The following DMD variants were observed in gnomAD, a reference collection of about 807,000 sequenced individuals.
DMD encodes dystrophin, also known as mutant dystrophin.
In DMD, 63 loss-of-function variants were observed where a neutral mutation model predicts 330.1. The observed-to-expected ratio is 0.19, with a 90% confidence interval of 0.16 to 0.24. DMD has a LOEUF of 0.24. Ranked by LOEUF, DMD falls within the 10% of genes least tolerant of loss-of-function variation. DMD has a pLI of 1.00. For synonymous variants in DMD, 1,223 were observed against 959.8 expected (o/e 1.27, Z -5.07); for missense variants, 3,344 against 2,684.1 (o/e 1.25, Z -5.43).
chrX:32,618,656 T>G (rs1290855347), intron 11 of DMD, among the ~76,000 whole-genome samples: 1 of 111,131 alleles, frequency 9.0e-6, no homozygotes, highest in Non-Finnish European at 1.9e-5. Context: ...CCCTTGCACC[T>G]AAAAGTTAAA....
chrX:32,581,448 C>T (rs892243441), intron 13 of DMD, among the ~76,000 whole-genome samples: 1 of 111,279 alleles, frequency 9.0e-6, no homozygotes, highest in African/African-American at 3.3e-5. Context: ...ACATTTTTTT[C>T]AATTTCAAAC....
intron 68 of DMD, among the ~76,000 whole-genome samples, chrX:31,181,125 T>A (rs2041113660): frequency 8.9e-6 from 1 of 112,107 alleles, no homozygotes; most frequent in Non-Finnish European, 1.9e-5. Context: ...TTGGATTAGA[T>A]GGAAGAATTT....
chrX:31,625,150 G>A (rs1415265963), intron 55 of DMD, among the ~76,000 whole-genome samples: 1 of 112,194 alleles, frequency 8.9e-6, no homozygotes, highest in Non-Finnish European at 1.9e-5. Context: ...TCCATAAAAT[G>A]TAGTTTAAAC....
At chrX:31,480,576 GT>G in intron 57 of DMD, among the ~76,000 whole-genome samples, 1 of 108,469 alleles carries the variant, frequency 9.2e-6, no homozygotes, top group Non-Finnish European at 1.9e-5. Flanking sequence ...GTGTGTGTGT[GT>G]GTGTGTGTGT....
intron 55 of DMD, among the ~76,000 whole-genome samples, chrX:31,590,358 A>G (rs4829106): frequency 0.27 from 29,541 of 110,397 alleles, 3,099 homozygotes; most frequent in East Asian, 0.34. Flanking sequence ...TGATTCTTCC[A>G]ATGCAAAAAG....
At chrX:32,643,600 CTCT>C (rs1298466339) in intron 11 of DMD, among the ~76,000 whole-genome samples, 22 of 111,284 alleles carry the variant, frequency 2.0e-4, no homozygotes, top group African/African-American at 6.2e-4. Flanking sequence ...GTCTCAAATC[CTCT>C]TTTTTATTAA....
At chrX:31,597,097 A>C (rs765246137) in intron 55 of DMD, among the ~76,000 whole-genome samples, 1 of 112,723 alleles carries the variant, frequency 8.9e-6, no homozygotes, top group Admixed American at 9.4e-5. Flanking sequence ...TAGGTCATTC[A>C]TTCAACAAAT....
intron 1 of DMD, among the ~76,000 whole-genome samples, chrX:33,179,838 CTT>C (rs761219197): frequency 3.6e-4 from 36 of 100,028 alleles, no homozygotes; most frequent in African/African-American, 1.3e-3. Context: ...TTAAAAAGTG[CTT>C]TTTTTTTTTT....
intron 7 of DMD, among the ~76,000 whole-genome samples, chrX:32,745,402 C>A (rs1465292027): frequency 8.9e-6 from 1 of 112,187 alleles, no homozygotes; most frequent in African/African-American, 3.2e-5. Context: ...CCTTAGCTTC[C>A]ATCTTTCTCT....
chrX:32,013,898 A>C (rs2095737854), intron 44 of DMD, among the ~76,000 whole-genome samples: 1 of 112,466 alleles, frequency 8.9e-6, no homozygotes, highest in Non-Finnish European at 1.9e-5. Context: ...TTTCTCAATG[A>C]GTATTTGTTC....
chrX:31,762,779 T>G (rs1442022322), intron 51 of DMD, among the ~76,000 whole-genome samples: 2 of 107,112 alleles, frequency 1.9e-5, no homozygotes, highest in Non-Finnish European at 3.8e-5. Flanking sequence ...CTAAACACAA[T>G]CTTAACAGAG....
intron 16 of DMD, among the ~76,000 whole-genome samples, chrX:32,555,894 C>A (rs1459385315): frequency 8.9e-6 from 1 of 111,793 alleles, no homozygotes; most frequent in East Asian, 2.8e-4. Context: ...TAATAAGATT[C>A]AGGACATAGG....
chrX:31,282,744 T>G (rs896544465), intron 62 of DMD, among the ~76,000 whole-genome samples: 4 of 110,963 alleles, frequency 3.6e-5, no homozygotes, highest in Non-Finnish European at 7.6e-5. Context: ...AGAGGAGAGA[T>G]AGGGAAAAAC....
At chrX:32,256,287 A>G (rs1019148757) in intron 43 of DMD, among the ~76,000 whole-genome samples, 7 of 106,963 alleles carry the variant, frequency 6.5e-5, no homozygotes, top group Non-Finnish European at 1.2e-4. Flanking sequence ...AGTCTGTTTT[A>G]TCAGAGACTA....
intron 50 of DMD, among the ~76,000 whole-genome samples, chrX:31,803,272 C>T (rs763178416): frequency 8.9e-6 from 1 of 112,158 alleles, no homozygotes; most frequent in South Asian, 3.7e-4. Flanking sequence ...CAAGTCTGAA[C>T]TCACACAGGG....
At chrX:32,382,900 T>C (rs1322567189) in intron 33 of DMD, among the ~76,000 whole-genome samples, 1 of 110,673 alleles carries the variant, frequency 9.0e-6, no homozygotes, top group Non-Finnish European at 1.9e-5. Flanking sequence ...GAAAATTGAG[T>C]TTTATACTTT....
intron 54 of DMD, among the ~76,000 whole-genome samples, chrX:31,643,599 A>G (rs1177578760): frequency 8.9e-6 from 1 of 112,091 alleles, no homozygotes; most frequent in Non-Finnish European, 1.9e-5. Flanking sequence ...TGTTAGTGAA[A>G]TATGTGCTCA....
At chrX:32,912,141 T>TGA (rs752845073) in intron 2 of DMD, among the ~76,000 whole-genome samples, 2 of 109,219 alleles carry the variant, frequency 1.8e-5, no homozygotes, top group Non-Finnish European at 3.8e-5. Context: ...ATTCAGTGAA[T>TGA]GAGGTTATGA....
intron 42 of DMD, among the ~76,000 whole-genome samples, chrX:32,303,608 T>C (rs1355584343): frequency 1.8e-5 from 2 of 111,190 alleles, no homozygotes; most frequent in African/African-American, 6.5e-5. Context: ...TGAGACACTT[T>C]GTAACTTGGT....
Sources: gnomAD v4.1 joint callset for allele counts (sites outside exome capture counted in the v4.1 genomes callset) on GRCh38, gnomAD v4.1.1 for gene constraint, MANE v1.5 for transcripts, NCBI Gene and HGNC (gene_info 2026-07-23, HGNC 2026-07-21) for gene names.